Variants in AGPAT4 observed in about 807,000 individuals in gnomAD.
AGPAT4 encodes 1-acylglycerol-3-phosphate O-acyltransferase 4.
A neutral mutation model predicts 48.0 loss-of-function variants in AGPAT4; 15 were observed. The ratio of observed to expected loss-of-function variants is 0.31; its 90% CI spans 0.21 to 0.48. The LOEUF (loss-of-function observed/expected upper bound fraction) is 0.48. Among genes scored for constraint, AGPAT4 ranks in the 20% least tolerant of loss-of-function variants. The probability of loss-of-function intolerance (pLI) is 0.99; values close to 1 mark genes in which losing one functional copy is unlikely to be tolerated. For synonymous variants in AGPAT4, 178 were observed against 198.7 expected (o/e 0.90, Z 0.88); for missense variants, 314 against 482.5 (o/e 0.65, Z 3.27).
Position 161,154,155 on chromosome 6 carries a change from C to T in AGPAT4, c.504G>A (p.Lys168=). 6.2e-7 allele frequency: 1 copy of T among 1,614,156 alleles called. No homozygotes were observed. The highest frequency in any genetic ancestry group is 8.5e-7 in the Non-Finnish European group (1 of 1,180,040). The change falls in exon 4 of 9, where the codon AAG becomes AAA. Residue 168 remains lysine, a synonymous_variant. Coordinates refer to ENST00000320285, the MANE Select transcript of AGPAT4 (RefSeq NM_020133.3). The surrounding 1 kb of genome is among the most constrained non-coding windows in gnomAD (Gnocchi z 7.8). The part of the protein sequence containing the change: ...SLQHLRDYPE[K]YFFLIHCEGT... ...TGCTCTGGTGCCTACATACAAAATA[C>T]TTCTCGGGGTAGTCCCGGAGGTGCT...
rs913256841 is a variant in AGPAT4, at chr6:161,273,991, A to T, written c.-143T>A. ...ACTTAGAAACCAGAAGCTGAGATGG[A>T]GCCGGCTGGGTTCAGAAATTGCCAC... On this transcript the variant is annotated 5_prime_UTR_variant, in exon 1 of 9. Coordinates refer to ENST00000320285, the MANE Select transcript of AGPAT4 (RefSeq NM_020133.3). 10 of 152,024 alleles carry T rather than the reference A, an allele frequency of 6.6e-5. No individual in the cohort carries two copies. The highest frequency in any genetic ancestry group is 4.6e-4 in the Admixed American group (7 of 15,260). 9.4% of individuals were successfully genotyped at this position (152,024 alleles called of 1,614,324 possible).
At chr6:161,191,346 A>G (rs1019182777) in intron 2 of AGPAT4, among the ~76,000 whole-genome samples, 2 of 152,200 alleles carry the variant, frequency 1.3e-5, no homozygotes, top group Non-Finnish European at 2.9e-5. Context: ...AGAAGTATGG[A>G]AGAGTTAAAA....
chr6:161,247,598 T>C (rs1033411535), intron 1 of AGPAT4, among the ~76,000 whole-genome samples: 1 of 152,030 alleles, frequency 6.6e-6, no homozygotes, highest in African/African-American at 2.4e-5. Flanking sequence ...AGCCAACACA[T>C]CATACTGAAT....
At chr6:161,211,541 GGTTATTTAAGA>G (rs1000261693) in intron 2 of AGPAT4, among the ~76,000 whole-genome samples, 1 of 152,004 alleles carries the variant, frequency 6.6e-6, no homozygotes, top group African/African-American at 2.4e-5. Context: ...TAAAATGACT[GGTTATTTAAGA>G]AAGAGGGACG....
chr6:161,151,705 A>G (rs971968639), intron 5 of AGPAT4, among the ~76,000 whole-genome samples: 4 of 152,266 alleles, frequency 2.6e-5, no homozygotes, highest in Admixed American at 6.5e-5. Flanking sequence ...TCAGAGAGAC[A>G]AGGTCACTTG....
chr6:161,160,705 C>T, intron 3 of AGPAT4: 1 of 326,764 alleles, frequency 3.1e-6, no homozygotes, highest in Admixed American at 3.9e-5. Context: ...GCTGTCAGGA[C>T]ACAAAGATGG....
chr6:161,256,964 G>A (rs573754252), intron 1 of AGPAT4, among the ~76,000 whole-genome samples: 88 of 152,322 alleles, frequency 5.8e-4, no homozygotes, highest in African/African-American at 2.1e-3. Context: ...GACGCCTGTT[G>A]CGAGCTCCCT....
intron 2 of AGPAT4, among the ~76,000 whole-genome samples, chr6:161,185,943 T>C (rs1399408631): frequency 1.3e-5 from 2 of 152,208 alleles, no homozygotes; most frequent in African/African-American, 4.8e-5. Context: ...GCCACTATAT[T>C]TGAAGCGATT....
intron 2 of AGPAT4, among the ~76,000 whole-genome samples, chr6:161,203,200 C>T (rs1477704344): frequency 6.6e-6 from 1 of 152,164 alleles, no homozygotes; most frequent in East Asian, 1.9e-4. Flanking sequence ...GTCTCTCTCT[C>T]TCCCATTAGG....
rs1411431910 is a variant in AGPAT4, at chr6:161,272,801, G to T, written c.-90+1137C>A. On this transcript the variant is annotated intron_variant, in intron 1 of 8. Transcript: ENST00000320285. The surrounding 1 kb of genome is among the most constrained non-coding windows in gnomAD (Gnocchi z 4.2). ...TGAGAGTCGTTGACTAATCACAGAT[G>T]AGTTAATCCTTCCACAGTTTTGAAA... is the stretch of plus-strand genomic sequence containing the variant. Among the ~76,000 whole-genome samples, 3 of 152,104 alleles carry T rather than the reference G, an allele frequency of 2.0e-5. No homozygotes were observed. The highest frequency in any genetic ancestry group is 7.2e-5 in the African/African-American group (3 of 41,464).
rs1782248122 is a variant in AGPAT4, at chr6:161,235,478, CT to C, written c.-89-3177del. On this transcript the variant is annotated intron_variant, in intron 1 of 8. Coordinates refer to ENST00000320285, the MANE Select transcript of AGPAT4 (RefSeq NM_020133.3). This position sits in a 1 kb window ranked among gnomAD's most constrained non-coding sequence, Gnocchi z 6.2. ...TGGAGGACAAATGTGTGACATACGT[CT>C]TAAGTTCATTCCAGATAGACGTTTT... Among the ~76,000 whole-genome samples, 3 of 152,168 alleles carry C rather than the reference CT, an allele frequency of 2.0e-5. No homozygotes were observed. Among genetic ancestry groups the C allele is most frequent in the African/African-American group, 4.8e-5 (2 of 41,452 alleles).
rs1474647296 is a variant in AGPAT4, at chr6:161,199,838, C to T, written c.178+32198G>A. 2.0e-5 allele frequency among the ~76,000 whole-genome samples: 3 copies of T among 152,178 alleles called. No individual in the cohort carries two copies. In the East Asian group the frequency reaches 5.8e-4, roughly 29 times the overall value. On this transcript the variant is annotated intron_variant, in intron 2 of 8. Transcript: ENST00000320285. ...GCCTCCCCAGCCATGCCTCCTGTAC[C>T]GTGAGTTGATTAAACCCCTTTTCTT...
chr6:161,175,326 A>G (rs1444339668), intron 2 of AGPAT4, among the ~76,000 whole-genome samples: 1 of 151,976 alleles, frequency 6.6e-6, no homozygotes, highest in Non-Finnish European at 1.5e-5. Flanking sequence ...CAATTTCAGA[A>G]CTTGTTATTG....
rs1176879106 is a variant in AGPAT4, at chr6:161,262,672, G to C, written c.-90+11266C>G. Among the ~76,000 whole-genome samples, 1 of 152,134 alleles carries C rather than the reference G, an allele frequency of 6.6e-6. No individual in the cohort carries two copies. On this transcript the variant is annotated intron_variant, in intron 1 of 8. Coordinates refer to ENST00000320285, the MANE Select transcript of AGPAT4 (RefSeq NM_020133.3). This position sits in a 1 kb window ranked among gnomAD's most constrained non-coding sequence, Gnocchi z 4.9. ...CCCCACTTCTTCCTTTGCTCAGAAGGTTTGGGTCCGATTATTCTTCAGTCC... is the reference window on the plus strand; with the variant it reads ...CCCCACTTCTTCCTTTGCTCAGAAGCTTTGGGTCCGATTATTCTTCAGTCC...
intron 2 of AGPAT4, among the ~76,000 whole-genome samples, chr6:161,205,803 ATCT>A (rs1485999987): frequency 1.3e-5 from 2 of 152,048 alleles, no homozygotes; most frequent in Non-Finnish European, 2.9e-5. Context: ...TTCTTTTTTG[ATCT>A]TCTTTTCAGA....
chr6:161,234,812 G>T lies in AGPAT4; in HGVS notation c.-89-2510C>A, dbSNP rs1782226419. On this transcript the variant is annotated intron_variant, in intron 1 of 8. Transcript: ENST00000320285. This position sits in a 1 kb window ranked among gnomAD's most constrained non-coding sequence, Gnocchi z 4.4. ...CCAGCTGACATCGGAAATGCAGGGG[G>T]TTAAATGCTGCCTTCTTCAGTGTCC... is the stretch of plus-strand genomic sequence containing the variant. Among the ~76,000 whole-genome samples, 2 of 152,162 alleles carry T rather than the reference G, an allele frequency of 1.3e-5. No individual in the cohort carries two copies. The highest frequency in any genetic ancestry group is 4.8e-5 in the African/African-American group (2 of 41,514).
intron 2 of AGPAT4, among the ~76,000 whole-genome samples, chr6:161,194,905 T>G (rs2115004609): frequency 6.6e-6 from 1 of 152,330 alleles, no homozygotes; most frequent in South Asian, 2.1e-4. Flanking sequence ...TCTGATACAC[T>G]TAGCTTTTAA....
In AGPAT4 at chr6:161,178,592, G is replaced by A. The variant is rs903306295; in HGVS notation, c.179-12175C>T. Reference sequence around the variant, plus strand: ...CCCTGCACTTCCCGGGTGAGGCGATGCCCCACCCTGCTTCAGCTCACACTC... The same window carrying A: ...CCCTGCACTTCCCGGGTGAGGCGATACCCCACCCTGCTTCAGCTCACACTC... On this transcript the variant is annotated intron_variant, in intron 2 of 8. Coordinates refer to ENST00000320285, the MANE Select transcript of AGPAT4 (RefSeq NM_020133.3). The surrounding 1 kb of genome is among the most constrained non-coding windows in gnomAD (Gnocchi z 5.1). Among the ~76,000 whole-genome samples the A allele has an allele frequency of 5.9e-5, 9 of 152,156 alleles. No individual in the cohort carries two copies. Among genetic ancestry groups the A allele is most frequent in the African/African-American group, 2.2e-4 (9 of 41,442 alleles).
intron 3 of AGPAT4, among the ~76,000 whole-genome samples, chr6:161,163,088 G>C (rs1454581568): frequency 6.6e-6 from 1 of 152,252 alleles, no homozygotes; most frequent in African/African-American, 2.4e-5. Flanking sequence ...GCACTGCAAT[G>C]AGCAGTGGCC....
Sources: gnomAD v4.1 joint callset for allele counts (sites outside exome capture counted in the v4.1 genomes callset) on GRCh38, gnomAD v4.1.1 for gene constraint, Gnocchi (gnomAD v3.1) non-coding constraint, MANE v1.5 for transcripts, NCBI Gene and HGNC (gene_info 2026-07-23, HGNC 2026-07-21) for gene names.